PHF24: variants seen among roughly 807,000 people sequenced by gnomAD.
PHF24 encodes PHD finger protein 24.
In PHF24, 25 loss-of-function variants were observed where a neutral mutation model predicts 42.6. The observed-to-expected ratio is 0.59, with a 90% confidence interval of 0.43 to 0.82. PHF24 has a LOEUF of 0.82. Among genes scored for constraint, PHF24 ranks in the 40% least tolerant of loss-of-function variants. PHF24 has a pLI of 0.00. For missense variants in PHF24, 470 were observed against 538.1 expected (o/e 0.87, Z 1.25); for synonymous variants, 185 against 204.8 (o/e 0.90, Z 0.83).
At chr9:34,838,552 G>A in the PHF24 span, 1 of 1,122,930 alleles carries the variant, frequency 8.9e-7, no homozygotes, top group South Asian at 1.5e-5. Flanking sequence ...TCAGGGTTCT[G>A]GTGCCTAATG....
chr9:34,712,847 C>T, the PHF24 span, among the ~76,000 whole-genome samples: 9 of 152,138 alleles, frequency 5.9e-5, no homozygotes, highest in African/African-American at 2.2e-4. Flanking sequence ...CATCAAACCT[C>T]CCATCATCAA....
chr9:34,701,278 G>T, the PHF24 span, among the ~76,000 whole-genome samples: 3 of 152,134 alleles, frequency 2.0e-5, no homozygotes, highest in Non-Finnish European at 4.4e-5. The surrounding 1 kb of genome is among the most constrained non-coding windows in gnomAD (Gnocchi z 5.8). Flanking sequence ...GGGGGTCGGG[G>T]TGGGTGAATG....
chr9:34,952,378 A>T, the PHF24 span, among the ~76,000 whole-genome samples: 1 of 152,220 alleles, frequency 6.6e-6, no homozygotes, highest in Non-Finnish European at 1.5e-5. Context: ...TAGGTGACCT[A>T]ACTAAATGGG....
chr9:34,742,007 G>T, the PHF24 span, among the ~76,000 whole-genome samples: 1 of 152,154 alleles, frequency 6.6e-6, no homozygotes, highest in South Asian at 2.1e-4. Context: ...GAGAATAGAA[G>T]TCATGGTATA....
At chr9:34,735,777 T>C in the PHF24 span, among the ~76,000 whole-genome samples, 8 of 150,452 alleles carry the variant, frequency 5.3e-5, no homozygotes, top group African/African-American at 9.8e-5. Flanking sequence ...CCAGCCTGGG[T>C]GAAAGAGTAA....
At chr9:34,875,160 T>A in the PHF24 span, among the ~76,000 whole-genome samples, 2 of 152,242 alleles carry the variant, frequency 1.3e-5, no homozygotes, top group East Asian at 3.9e-4. Context: ...ATCTGTGAGT[T>A]CAATTTATTT....
At chr9:34,892,794 G>A in the PHF24 span, 18 of 610,600 alleles carry the variant, frequency 2.9e-5, no homozygotes, top group African/African-American at 5.5e-5. Context: ...CTCTGTCCTC[G>A]CTGAAAGTGA....
chr9:34,931,936 G>A, the PHF24 span, among the ~76,000 whole-genome samples: 2 of 152,168 alleles, frequency 1.3e-5, no homozygotes, highest in South Asian at 4.1e-4. Flanking sequence ...TTGTTTCAGG[G>A]TTATATTGAA....
chr9:34,760,067 A>C, the PHF24 span, among the ~76,000 whole-genome samples: 1 of 152,200 alleles, frequency 6.6e-6, no homozygotes, highest in African/African-American at 2.4e-5. Flanking sequence ...ATTTGCCCTT[A>C]CTGCCTCGTG....
At chr9:34,729,205 G>T in the PHF24 span, 1 of 1,451,364 alleles carries the variant, frequency 6.9e-7, no homozygotes, top group Non-Finnish European at 9.1e-7. Context: ...TCTGGGGTGG[G>T]GATTATAAGG....
At chr9:34,763,849 C>G in the PHF24 span, among the ~76,000 whole-genome samples, 43 of 152,298 alleles carry the variant, frequency 2.8e-4, no homozygotes, top group African/African-American at 9.4e-4. Context: ...ATAAATAGCT[C>G]TTATTATTTT....
At chr9:34,684,924 G>T in the PHF24 span, among the ~76,000 whole-genome samples, 8 of 152,126 alleles carry the variant, frequency 5.3e-5, no homozygotes, top group African/African-American at 1.7e-4. Flanking sequence ...AGACCCAAAG[G>T]CCCTAGAAGT....
chr9:34,972,263 G>A (rs1827018901), intron 2 of PHF24, 83 bp from the exon 3 acceptor site: 1 of 1,238,322 alleles, frequency 8.1e-7, no homozygotes, highest in South Asian at 1.5e-5. Flanking sequence ...TCAGCCCCAT[G>A]CAGGTAGCTC....
chr9:34,877,420 C>G, the PHF24 span, among the ~76,000 whole-genome samples: 1 of 152,132 alleles, frequency 6.6e-6, no homozygotes, highest in Admixed American at 6.5e-5. Context: ...TTAGAATAGG[C>G]AAATTCTCAG....
At chr9:34,765,841 G>T in the PHF24 span, among the ~76,000 whole-genome samples, 2 of 152,040 alleles carry the variant, frequency 1.3e-5, no homozygotes, top group African/African-American at 4.8e-5. Flanking sequence ...GCTGGTACTG[G>T]TTGTTCCTTT....
the PHF24 span, chr9:34,728,735 C>T: frequency 3.9e-6 from 5 of 1,290,486 alleles, no homozygotes; most frequent in East Asian, 2.5e-5. Context: ...AACTTACATA[C>T]ATTTTTCACT....
the PHF24 span, among the ~76,000 whole-genome samples, chr9:34,668,050 A>G: frequency 6.6e-6 from 1 of 152,190 alleles, no homozygotes; most frequent in African/African-American, 2.4e-5. Flanking sequence ...GAGGTAGCAG[A>G]AGGCACCAAA....
At chr9:34,683,263 G>C in the PHF24 span, among the ~76,000 whole-genome samples, 1 of 152,194 alleles carries the variant, frequency 6.6e-6, no homozygotes, top group Non-Finnish European at 1.5e-5. Context: ...GTTTTGCCAT[G>C]TTGGCCAAGC....
chr9:34,722,418 A>T, the PHF24 span, among the ~76,000 whole-genome samples: 1 of 152,182 alleles, frequency 6.6e-6, no homozygotes, highest in East Asian at 1.9e-4. Context: ...AGTGGTGGTG[A>T]AGGGTAGAAA....
Sources: allele counts gnomAD v4.1 joint callset (sites outside exome capture counted in the v4.1 genomes callset), GRCh38; gene constraint gnomAD v4.1.1; non-coding constraint Gnocchi (gnomAD v3.1); transcripts MANE v1.5; gene names NCBI Gene and HGNC (gene_info 2026-07-23, HGNC 2026-07-21).